EYS: variants seen among roughly 807,000 people sequenced by gnomAD.
EYS encodes the protein protein eyes shut homolog.
In EYS, 250 loss-of-function variants were observed where a neutral mutation model predicts 282.1. The ratio of observed to expected loss-of-function variants is 0.89; its 90% CI spans 0.80 to 0.98. The LOEUF (loss-of-function observed/expected upper bound fraction) is 0.98. EYS is among the 50% of genes least tolerant of loss of function. EYS has a pLI of 0.00. For synonymous variants in EYS, 1,355 were observed against 1,282.9 expected, an observed-to-expected ratio of 1.06 and a Z score of -1.20; for missense variants, 4,016 against 3,709.0, an observed-to-expected ratio of 1.08 and a Z score of -2.15.
At chr6:64,406,444 A>C (rs1236164069) in intron 28 of EYS, among the ~76,000 whole-genome samples, 1 of 152,188 alleles carries the variant, frequency 6.6e-6, no homozygotes, top group Non-Finnish European at 1.5e-5. Flanking sequence ...ATGGCAACAA[A>C]AGCCAAAATT....
intron 19 of EYS, among the ~76,000 whole-genome samples, chr6:64,841,963 T>C (rs945669878): frequency 1.3e-5 from 2 of 152,100 alleles, no homozygotes; most frequent in Admixed American, 6.6e-5. Flanking sequence ...GAAATGTCAA[T>C]AAGCCCAATT....
intron 35 of EYS, among the ~76,000 whole-genome samples, chr6:63,974,468 G>A (rs1467796640): frequency 2.6e-5 from 4 of 152,026 alleles, no homozygotes; most frequent in African/African-American, 9.7e-5. Context: ...AGAAAAGATA[G>A]TTTTCAGATG....
At chr6:63,806,059 C>G (rs1285329980) in intron 37 of EYS, 131 bp downstream of exon 37, 2 of 726,008 alleles carry the variant, frequency 2.8e-6, no homozygotes, top group Non-Finnish European at 4.5e-6. Context: ...ATGCTCAAGG[C>G]AGAAAACAGG....
At chr6:65,181,770 G>A (rs841523) in intron 12 of EYS, among the ~76,000 whole-genome samples, 2,861 of 152,150 alleles carry the variant, frequency 0.019, 73 homozygotes, top group African/African-American at 0.065. Context: ...TATGTTTATT[G>A]CGGCACTATT....
intron 30 of EYS, among the ~76,000 whole-genome samples, chr6:64,262,002 G>A (rs918269933): frequency 6.6e-6 from 1 of 151,898 alleles, no homozygotes; most frequent in African/African-American, 2.4e-5. Context: ...CAATTTGCTC[G>A]CCTTGGACTC....
Position 64,121,866 on chromosome 6 carries a change from A to T in EYS, c.6425-39864T>A, listed in dbSNP as rs138947551. On this transcript the variant is annotated intron_variant, in intron 31 of 42. Transcript: ENST00000503581. ...AAGGGCTGATATCCCAGTACCCATC[A>T]TGGAGCTCATCTATAGACAGGGCTT... is the stretch of plus-strand genomic sequence containing the variant. Among the ~76,000 whole-genome samples, 800 of 152,250 alleles carry T rather than the reference A, an allele frequency of 5.3e-3. 2 individuals carry two copies. The highest frequency in any genetic ancestry group is 9.0e-3 in the Admixed American group (137 of 15,286).
intron 2 of EYS, among the ~76,000 whole-genome samples, chr6:65,526,970 T>A (rs1174461940): frequency 6.6e-6 from 1 of 151,924 alleles, no homozygotes; most frequent in Non-Finnish European, 1.5e-5. Flanking sequence ...GGAACAGGAG[T>A]GTGTGGAGTT....
intron 12 of EYS, among the ~76,000 whole-genome samples, chr6:65,220,927 G>T (rs772532465): frequency 6.6e-6 from 1 of 152,246 alleles, no homozygotes; most frequent in African/African-American, 2.4e-5. Context: ...CAAAGACACT[G>T]GTGACGTTTT....
At chr6:65,193,899 T>C (rs893815892) in intron 12 of EYS, among the ~76,000 whole-genome samples, 1 of 151,808 alleles carries the variant, frequency 6.6e-6, no homozygotes, top group Admixed American at 6.6e-5. Flanking sequence ...GTGGATCCAA[T>C]TGAAATGCCT....
chr6:65,315,376 T>C (rs1769271272), intron 11 of EYS, among the ~76,000 whole-genome samples: 1 of 152,190 alleles, frequency 6.6e-6, no homozygotes, highest in Non-Finnish European at 1.5e-5. Flanking sequence ...TGAACATTGC[T>C]GTAAAACTAT....
chr6:64,320,719 A>G (rs139334919), intron 29 of EYS, among the ~76,000 whole-genome samples: 3 of 151,556 alleles, frequency 2.0e-5, no homozygotes, highest in African/African-American at 7.2e-5. Context: ...ACAGTTTCCC[A>G]CAAATTTTTT....
intron 34 of EYS, among the ~76,000 whole-genome samples, chr6:63,997,855 C>T (rs747651504): frequency 5.3e-5 from 8 of 152,028 alleles, no homozygotes; most frequent in Admixed American, 1.3e-4. Flanking sequence ...AAATACAGAT[C>T]TTTCAATATA....
At chr6:64,454,076 C>T (rs35441932) in intron 26 of EYS, among the ~76,000 whole-genome samples, 56,150 of 151,916 alleles carry the variant, frequency 0.37, 11,132 homozygotes, top group African/African-American at 0.53. Flanking sequence ...CTGTATAGAA[C>T]CCTTCCACCC....
At chr6:64,604,207 T>C (rs1766853391) in intron 24 of EYS, among the ~76,000 whole-genome samples, 2 of 152,152 alleles carry the variant, frequency 1.3e-5, no homozygotes, top group South Asian at 4.1e-4. Flanking sequence ...TCCTAGGTTA[T>C]CCACAATATC....
intron 18 of EYS, among the ~76,000 whole-genome samples, chr6:64,891,415 C>T (rs1767289458): frequency 1.3e-5 from 2 of 152,044 alleles, no homozygotes; most frequent in Admixed American, 1.3e-4. Context: ...TCTCTTCCCG[C>T]TCCCTGTGTC....
At chr6:65,181,426 AC>A (rs1765380280) in intron 12 of EYS, among the ~76,000 whole-genome samples, 1 of 152,220 alleles carries the variant, frequency 6.6e-6, no homozygotes, top group South Asian at 2.1e-4. Flanking sequence ...TCAAAAGAAG[AC>A]ATTTATGCAG....
chr6:65,260,868 G>T (rs996746357), intron 12 of EYS, among the ~76,000 whole-genome samples: 2 of 152,056 alleles, frequency 1.3e-5, no homozygotes, highest in African/African-American at 4.8e-5. Flanking sequence ...TTATTAGAAA[G>T]AGATCACTAC....
intron 22 of EYS, among the ~76,000 whole-genome samples, chr6:64,681,156 G>C (rs867618232): frequency 2.0e-5 from 3 of 152,220 alleles, no homozygotes; most frequent in South Asian, 4.1e-4. Flanking sequence ...CAGAATTACT[G>C]TCTTTAAAAA....
chr6:65,688,765 AT>A, intron 1 of EYS, among the ~76,000 whole-genome samples: 1 of 152,232 alleles, frequency 6.6e-6, no homozygotes, highest in South Asian at 2.1e-4. Flanking sequence ...CAAAAGACAC[AT>A]GAAAAAATGC....
Sources: allele counts gnomAD v4.1 joint callset (sites outside exome capture counted in the v4.1 genomes callset), GRCh38; gene constraint gnomAD v4.1.1; transcripts MANE v1.5; gene names NCBI Gene and HGNC (gene_info 2026-07-23, HGNC 2026-07-21).